Variants in GABRB2 observed in about 807,000 individuals in gnomAD.
GABRB2 encodes the protein gamma-aminobutyric acid type A receptor subunit beta2, also known as gamma-aminobutyric acid receptor subunit beta-2.
A neutral mutation model predicts 54.7 loss-of-function variants in GABRB2; 16 were observed. The ratio of observed to expected loss-of-function variants is 0.29; its 90% CI spans 0.20 to 0.44. The LOEUF (loss-of-function observed/expected upper bound fraction) is 0.44. GABRB2 is among the 20% of genes least tolerant of loss of function. The probability of loss-of-function intolerance (pLI) is 1.00; values close to 1 mark genes in which losing one functional copy is unlikely to be tolerated. For synonymous variants in GABRB2, 244 were observed against 233.8 expected (o/e 1.04, Z -0.40); for missense variants, 355 against 644.0 (o/e 0.55, Z 4.86).
At chr5:161,379,015 A>G (rs1361273782) in intron 5 of GABRB2, among the ~76,000 whole-genome samples, 1 of 152,096 alleles carries the variant, frequency 6.6e-6, no homozygotes, top group Non-Finnish European at 1.5e-5. Context: ...TGATCTCCTC[A>G]TTTTCACCAC....
chr5:161,417,413 C>T (rs1329006926), intron 4 of GABRB2, among the ~76,000 whole-genome samples: 1 of 152,066 alleles, frequency 6.6e-6, no homozygotes, highest in East Asian at 1.9e-4. Flanking sequence ...GTGATTTTCC[C>T]CAAGAGTCAC....
intron 4 of GABRB2, among the ~76,000 whole-genome samples, chr5:161,443,766 C>A (rs1181228489): frequency 6.6e-6 from 1 of 152,192 alleles, no homozygotes; most frequent in Non-Finnish European, 1.5e-5. Flanking sequence ...TTGGTAACTT[C>A]ATCTGCCATC....
At chr5:161,443,988 T>A (rs1757541679) in intron 4 of GABRB2, among the ~76,000 whole-genome samples, 1 of 152,194 alleles carries the variant, frequency 6.6e-6, no homozygotes, top group Non-Finnish European at 1.5e-5. Context: ...TCATAAGCCT[T>A]GTTTACACTG....
intron 4 of GABRB2, among the ~76,000 whole-genome samples, chr5:161,417,577 CT>C (rs921971278): frequency 1.3e-5 from 2 of 152,172 alleles, no homozygotes; most frequent in African/African-American, 4.8e-5. Flanking sequence ...ACCAAATGAG[CT>C]TAGAAATTCT....
intron 5 of GABRB2, among the ~76,000 whole-genome samples, chr5:161,398,553 G>A (rs144423677): frequency 6.4e-4 from 98 of 152,232 alleles, no homozygotes; most frequent in African/African-American, 2.3e-3. Flanking sequence ...AATTTCCACC[G>A]CAGATACCAT....
At chr5:161,349,917 T>C (rs937745953) in intron 5 of GABRB2, among the ~76,000 whole-genome samples, 5 of 152,126 alleles carry the variant, frequency 3.3e-5, no homozygotes, top group African/African-American at 9.7e-5. Context: ...CCAATCCTTA[T>C]TTTTGATCCT....
At chr5:161,399,767 T>C (rs188047574) in intron 5 of GABRB2, among the ~76,000 whole-genome samples, 2 of 152,328 alleles carry the variant, frequency 1.3e-5, no homozygotes, top group African/African-American at 4.8e-5. Flanking sequence ...AAGTAAGTTA[T>C]ACAACTTCTC....
At chr5:161,309,576 T>C (rs1477879221) in intron 9 of GABRB2, among the ~76,000 whole-genome samples, 1 of 152,132 alleles carries the variant, frequency 6.6e-6, no homozygotes, top group African/African-American at 2.4e-5. Flanking sequence ...ATTGTAGCAC[T>C]ATTCACAATA....
intron 3 of GABRB2, among the ~76,000 whole-genome samples, chr5:161,462,219 A>G (rs1758136019): frequency 6.6e-6 from 1 of 152,222 alleles, no homozygotes; most frequent in South Asian, 2.1e-4. Flanking sequence ...TACTCTGGTT[A>G]GCATTCTGGA....
intron 3 of GABRB2, among the ~76,000 whole-genome samples, chr5:161,524,091 A>G (rs1760199453): frequency 6.6e-6 from 1 of 151,356 alleles, no homozygotes; most frequent in Admixed American, 6.6e-5. Flanking sequence ...CATGGCCCTG[A>G]CTTCATGAAG....
intron 4 of GABRB2, among the ~76,000 whole-genome samples, chr5:161,433,719 C>T (rs539587803): frequency 2.6e-5 from 4 of 152,110 alleles, no homozygotes; most frequent in Non-Finnish European, 5.9e-5. Flanking sequence ...ACCAAATAAA[C>T]ATTCATTCAA....
chr5:161,318,271 T>C (rs980876398), intron 9 of GABRB2, among the ~76,000 whole-genome samples: 2 of 152,028 alleles, frequency 1.3e-5, no homozygotes, highest in Non-Finnish European at 2.9e-5. Flanking sequence ...TTATAGAGTC[T>C]GAATTTTCTG....
At chr5:161,396,658 G>C (rs925905898) in intron 5 of GABRB2, among the ~76,000 whole-genome samples, 2 of 152,056 alleles carry the variant, frequency 1.3e-5, no homozygotes, top group Admixed American at 6.6e-5. Context: ...AAATGAGAGA[G>C]TATCACCAGC....
intron 3 of GABRB2, among the ~76,000 whole-genome samples, chr5:161,510,368 G>A (rs1335453849): frequency 2.0e-5 from 3 of 150,998 alleles, no homozygotes; most frequent in Non-Finnish European, 3.0e-5. Context: ...GTCTTTCTAC[G>A]CCTGGCTTAT....
chr5:161,472,201 G>C (rs1195091152), intron 3 of GABRB2, among the ~76,000 whole-genome samples: 1 of 151,766 alleles, frequency 6.6e-6, no homozygotes, highest in East Asian at 1.9e-4. Context: ...CATTTTCCAA[G>C]TGACACATCT....
At chr5:161,472,343 T>G (rs1471132885) in intron 3 of GABRB2, among the ~76,000 whole-genome samples, 4 of 151,706 alleles carry the variant, frequency 2.6e-5, no homozygotes. Context: ...CCCATCTTAC[T>G]GCCAGTTTTG....
intron 3 of GABRB2, among the ~76,000 whole-genome samples, chr5:161,536,274 AG>A (rs1760631966): frequency 6.6e-6 from 1 of 152,086 alleles, no homozygotes; most frequent in Non-Finnish European, 1.5e-5. Context: ...GAGAAACGGA[AG>A]GGGGATGAGA....
intron 5 of GABRB2, among the ~76,000 whole-genome samples, chr5:161,346,011 C>A (rs189450852): frequency 2.2e-4 from 33 of 152,172 alleles, no homozygotes; most frequent in African/African-American, 7.9e-4. Flanking sequence ...AGTCGGATTG[C>A]AATCCTAAGC....
chr5:161,547,821 C>CG (rs1481394777), upstream of GABRB2: 1 of 152,184 alleles, frequency 6.6e-6, no homozygotes, highest in East Asian at 1.9e-4. Flanking sequence ...CCAGCGCCCC[C>CG]TCCGCTGCGC....
Sources: gnomAD v4.1 joint callset for allele counts (sites outside exome capture counted in the v4.1 genomes callset) on GRCh38, gnomAD v4.1.1 for gene constraint, MANE v1.5 for transcripts, NCBI Gene and HGNC (gene_info 2026-07-23, HGNC 2026-07-21) for gene names.